The following DST variants were observed in gnomAD, a reference collection of about 807,000 sequenced individuals.
The protein encoded by DST is bullous pemphigoid antigen.
A neutral mutation model predicts 875.2 loss-of-function variants in DST; 253 were observed. That is an observed-to-expected ratio of 0.29 (90% confidence interval 0.26 to 0.32). The LOEUF (loss-of-function observed/expected upper bound fraction) is 0.32. Ranked by LOEUF, DST falls within the 10% of genes least tolerant of loss-of-function variation. The probability of loss-of-function intolerance (pLI) is 1.00; values close to 1 mark genes in which losing one functional copy is unlikely to be tolerated. For synonymous variants in DST, 3,124 were observed against 3,197.1 expected, an observed-to-expected ratio of 0.98 and a Z score of 0.77; for missense variants, 8,287 against 9,111.6, an observed-to-expected ratio of 0.91 and a Z score of 3.68.
intron 2 of DST, among the ~76,000 whole-genome samples, chr6:56,939,796 G>A (rs1269570638): frequency 2.6e-5 from 4 of 152,002 alleles, no homozygotes; most frequent in Non-Finnish European, 5.9e-5. Context: ...AGGCCGAGGC[G>A]GCTGGATCAC....
chr6:56,814,694 A>T (rs1160767144), intron 4 of DST, among the ~76,000 whole-genome samples: 1 of 152,208 alleles, frequency 6.6e-6, no homozygotes, highest in East Asian at 1.9e-4. Context: ...TGAAAAATGA[A>T]AATGAACTCT....
intron 101 of DST, 126 bp from the exon 102 acceptor site, chr6:56,463,282 A>G: frequency 1.6e-6 from 1 of 631,858 alleles, no homozygotes; most frequent in Non-Finnish European, 2.7e-6. Flanking sequence ...ATAAGTGAAA[A>G]GATCCAATGG....
intron 4 of DST, among the ~76,000 whole-genome samples, chr6:56,759,485 T>A (rs1372780595): frequency 6.6e-6 from 1 of 152,074 alleles, no homozygotes; most frequent in Admixed American, 6.6e-5. Flanking sequence ...AAACCACAAG[T>A]AGCAAAAACG....
chr6:56,611,608 A>G lies in DST; in HGVS notation c.5059-12T>C, dbSNP rs1422941382. On this transcript the variant is annotated splice_polypyrimidine_tract_variant and intron_variant, in intron 37 of 103. Coordinates refer to ENST00000680361, the MANE Select transcript of DST (RefSeq NM_001374736.1). ...TCCTCACTGGAAATCTGTAAGGTAA[A>G]GAAGGCACATTCAAACTCTTCCTCC... is the stretch of plus-strand genomic sequence containing the variant. 1 of 1,565,336 alleles carries G rather than the reference A, an allele frequency of 6.4e-7. No individual in the cohort carries two copies. The highest frequency in any genetic ancestry group is 2.2e-5 in the East Asian group (1 of 44,556).
intron 3 of DST, among the ~76,000 whole-genome samples, chr6:56,888,444 TCTAAG>T (rs1785697913): frequency 6.6e-6 from 1 of 152,326 alleles, no homozygotes; most frequent in South Asian, 2.1e-4. Flanking sequence ...AAATGTTTCC[TCTAAG>T]AGCTTTGGAT....
intron 85 of DST, among the ~76,000 whole-genome samples, chr6:56,490,676 C>A (rs1333361657): frequency 1.3e-5 from 2 of 151,824 alleles, no homozygotes; most frequent in Non-Finnish European, 2.9e-5. Flanking sequence ...AATATCTGAG[C>A]CAAAAACTGA....
At position 56,641,943 on chromosome 6, in the gene DST, T is replaced by C; in HGVS notation, c.2027+4A>G. The C allele has an allele frequency of 6.2e-7, 1 of 1,606,024 alleles. No homozygotes were observed. The highest frequency in any genetic ancestry group is 8.5e-7 in the Non-Finnish European group (1 of 1,175,830). On this transcript the variant is annotated splice_donor_region_variant and intron_variant, in intron 17 of 103. Transcript: ENST00000680361. The stretch of plus-strand genomic sequence containing the variant: ...GACAGAGAAAGAATAAGTAGCACTC[T>C]TACCTCTGTACCAATTGATCTGCCT...
At chr6:56,667,538 A>T (rs1259224535) in intron 10 of DST, among the ~76,000 whole-genome samples, 1 of 152,202 alleles carries the variant, frequency 6.6e-6, no homozygotes, top group East Asian at 1.9e-4. Flanking sequence ...CAACAAAGAA[A>T]TCTTGTAAGC....
Position 56,472,064 on chromosome 6 carries a change from C to T in DST, c.22153G>A (p.Glu7385Lys). 6.2e-7 allele frequency: 1 copy of T among 1,613,898 alleles called. No homozygotes were observed. Among genetic ancestry groups the T allele is most frequent in the Non-Finnish European group, 8.5e-7 (1 of 1,179,798 alleles). ...GAGGGTATGAATTTCCAAACCTCCTCTAGTCTGTCCAAGGCATCATTGAGT... is the reference window on the plus strand; with the variant it reads ...GAGGGTATGAATTTCCAAACCTCCTTTAGTCTGTCCAAGGCATCATTGAGT... The part of the protein sequence containing the change: ...RKLNDALDRL[E>K]ELREFANFDF... Residue 7385 changes from glutamate (E) to lysine (K), a missense_variant, in exon 94 of 104, where the codon GAG (glutamate) becomes AAG (lysine). By Grantham distance (56) the Glu-to-Lys change is moderately conservative. This residue lies in a region of DST where 1,292 missense variants were observed against 1,552.7 expected (regional missense o/e 0.83). Coordinates refer to ENST00000680361, the MANE Select transcript of DST (RefSeq NM_001374736.1).
intron 61 of DST, 25 bp from the exon 62 acceptor site, chr6:56,536,965 T>G (rs1427065568): frequency 6.2e-7 from 1 of 1,604,646 alleles, no homozygotes; most frequent in Admixed American, 1.7e-5. Flanking sequence ...GTAATAATTA[T>G]ATGAGTTATA....
Position 56,597,946 on chromosome 6 carries a change from A to G in DST, c.11989T>C (p.Leu3997=), listed in dbSNP as rs987150576. ...TCTGAGTCTTTGTCAACATTTGACA[A>G]CCAGTCCAAAAGGTTTTCTATTTTG... The part of the protein sequence containing the change: ...KTKIENLLDW[L]SNVDKDSERA... The change falls in exon 47 of 104, where the codon TTG becomes CTG. Residue 3997 remains leucine (L), a synonymous_variant. Transcript: ENST00000680361. 6.2e-7 allele frequency: 1 copy of G among 1,613,414 alleles called. No homozygotes were observed. Among genetic ancestry groups the G allele is most frequent in the African/African-American group, 1.3e-5 (1 of 75,010 alleles).
At chr6:56,938,753 C>T (rs541799115) in intron 2 of DST, among the ~76,000 whole-genome samples, 1 of 152,330 alleles carries the variant, frequency 6.6e-6, no homozygotes, top group African/African-American at 2.4e-5. Flanking sequence ...TGCACTTCCA[C>T]TCTTGCTGCT....
At chr6:56,943,486 G>C (rs1227541908) in intron 2 of DST, among the ~76,000 whole-genome samples, 2 of 148,558 alleles carry the variant, frequency 1.3e-5, no homozygotes, top group Non-Finnish European at 3.0e-5. Context: ...GGAGTGCAAT[G>C]GCACGATCTC....
chr6:56,694,056 T>C (rs559522911), intron 9 of DST, among the ~76,000 whole-genome samples: 134 of 146,414 alleles, frequency 9.2e-4, no homozygotes, highest in African/African-American at 3.3e-3. Context: ...TATATATACA[T>C]ATATATATAT....
intron 4 of DST, among the ~76,000 whole-genome samples, chr6:56,830,554 T>C (rs2099785771): frequency 6.6e-6 from 1 of 152,186 alleles, no homozygotes; most frequent in Non-Finnish European, 1.5e-5. Context: ...ACTACAGAAA[T>C]TACATCTTTA....
At position 56,618,029 on chromosome 6, in the gene DST, T is replaced by A. The variant is rs145293541; in HGVS notation, c.4930-3545A>T. The A allele has an allele frequency of 2.6e-5, 42 of 1,614,044 alleles. No individual in the cohort carries two copies. The highest frequency in any genetic ancestry group is 3.3e-5 in the Non-Finnish European group (39 of 1,180,014). ...CTTCACCAGTTCCATTTCACATGCG[T>A]TATCTTGATACCTAACAGGTGGTCT... On this transcript the variant is annotated intron_variant, in intron 36 of 103. Coordinates refer to ENST00000680361, the MANE Select transcript of DST (RefSeq NM_001374736.1).
At chr6:56,832,509 T>C (rs1318327587) in intron 4 of DST, among the ~76,000 whole-genome samples, 3 of 152,084 alleles carry the variant, frequency 2.0e-5, no homozygotes, top group African/African-American at 7.2e-5. Context: ...TGTGGAACTG[T>C]AGGAACTGTA....
chr6:56,574,561 C>T (rs1042957618), intron 50 of DST, among the ~76,000 whole-genome samples: 5 of 151,838 alleles, frequency 3.3e-5, no homozygotes, highest in Non-Finnish European at 7.4e-5. Context: ...AAAAGTTTAA[C>T]AGCAGACAAA....
intron 61 of DST, among the ~76,000 whole-genome samples, chr6:56,547,184 G>C (rs1040812154): frequency 2.6e-5 from 4 of 152,070 alleles, no homozygotes; most frequent in African/African-American, 9.7e-5. Flanking sequence ...TGAAAAAGAG[G>C]GTATCCACCT....
Sources: gnomAD v4.1 joint callset for allele counts (sites outside exome capture counted in the v4.1 genomes callset) on GRCh38, gnomAD v4.1.1 for gene constraint, gnomAD v4.1.1 regional missense constraint, MANE v1.5 for transcripts, NCBI Gene and HGNC (gene_info 2026-07-23, HGNC 2026-07-21) for gene names.